Variants in BBS1 observed in about 807,000 individuals in gnomAD.
The protein encoded by BBS1 is BBSome complex member BBS1.
In BBS1, 60 loss-of-function variants were observed where a neutral mutation model predicts 73.9. The ratio of observed to expected loss-of-function variants is 0.81; its 90% CI spans 0.66 to 1.01. The LOEUF (loss-of-function observed/expected upper bound fraction) is 1.01, where lower values mean the gene tolerates loss of function less well. Among genes scored for constraint, BBS1 ranks in the 50% least tolerant of loss-of-function variants. The probability of loss-of-function intolerance (pLI) is 0.00; values close to 1 mark genes in which losing one functional copy is unlikely to be tolerated. For missense variants in BBS1, 718 were observed against 770.3 expected, an observed-to-expected ratio of 0.93 and a Z score of 0.80; for synonymous variants, 283 against 317.4, an observed-to-expected ratio of 0.89 and a Z score of 1.15.
At chr11:66,516,513 T>G (rs1013305546) in intron 7 of BBS1, among the ~76,000 whole-genome samples, 5 of 152,122 alleles carry the variant, frequency 3.3e-5, no homozygotes, top group African/African-American at 1.2e-4. Context: ...AGCTTTCGCC[T>G]TCCATTAGGC....
At chr11:66,511,990 A>G (rs1329863973) in intron 3 of BBS1, among the ~76,000 whole-genome samples, 1 of 143,096 alleles carries the variant, frequency 7.0e-6, no homozygotes, top group African/African-American at 2.7e-5. Flanking sequence ...AGAGTGAGAC[A>G]GTTTCAAAAA....
At chr11:66,511,935 G>T (rs1165049520) in intron 3 of BBS1, among the ~76,000 whole-genome samples, 1 of 150,612 alleles carries the variant, frequency 6.6e-6, no homozygotes, top group Non-Finnish European at 1.5e-5. Flanking sequence ...GGAGGCGGAG[G>T]TTGAGTGAGC....
At chr11:66,514,334 A>G in intron 3 of BBS1, 72 bp from the exon 4 acceptor site, 2 of 1,580,654 alleles carry the variant, frequency 1.3e-6, no homozygotes, top group Admixed American at 3.3e-5. Context: ...TGCACCAGCA[A>G]TAAGGCAAGA....
rs370952709 is a variant in BBS1 at position 66,518,202 on chromosome 11, C to A, written c.592-1415C>A. 3.3e-5 allele frequency among the ~76,000 whole-genome samples: 5 copies of A among 152,016 alleles called. No homozygotes were observed. In the East Asian group the frequency reaches 5.8e-4, roughly 18 times the overall value. ...GAACTCCCAACCTCACGTGATCCACCCACCTCGGCCTCCCAAAGTGCTGGG... is the reference window on the plus strand; with the variant it reads ...GAACTCCCAACCTCACGTGATCCACACACCTCGGCCTCCCAAAGTGCTGGG... On this transcript the variant is annotated intron_variant, in intron 7 of 16. Coordinates refer to ENST00000318312, the MANE Select transcript of BBS1 (RefSeq NM_024649.5).
intron 4 of BBS1, among the ~76,000 whole-genome samples, chr11:66,515,298 G>A (rs1437434909): frequency 6.6e-6 from 1 of 152,138 alleles, no homozygotes; most frequent in African/African-American, 2.4e-5. Context: ...AGAAGAAGGA[G>A]GACTGGAAAC....
At chr11:66,512,003 A>AAAAT (rs1555046275) in intron 3 of BBS1, among the ~76,000 whole-genome samples, 6 of 140,296 alleles carry the variant, frequency 4.3e-5, no homozygotes, top group Non-Finnish European at 9.0e-5. Flanking sequence ...TTCAAAAAAA[A>AAAAT]ATATATATAT....
In BBS1 at chr11:66,529,966, T is replaced by TGAG. The variant is rs748694674; in HGVS notation, c.1473+16_1473+18dup. On this transcript the variant is annotated intron_variant, in intron 14 of 16. Coordinates refer to ENST00000318312, the MANE Select transcript of BBS1 (RefSeq NM_024649.5). The stretch of plus-strand genomic sequence containing the variant: ...CTGCACGCCGTGGTGAGCATCTGGG[T>TGAG]GAGGGCAGAGTCAGGGCCAGAGGGG... 1.9e-4 allele frequency: 297 copies of TGAG among 1,595,986 alleles called. No individual in the cohort carries two copies. The highest frequency in any genetic ancestry group is 2.3e-4 in the Non-Finnish European group (267 of 1,177,102).
intron 3 of BBS1, 137 bp from the exon 4 acceptor site, chr11:66,514,269 A>G (rs1175180659): frequency 6.0e-6 from 7 of 1,168,152 alleles, no homozygotes; most frequent in African/African-American, 1.5e-5. Flanking sequence ...TCCCAAGGTC[A>G]GGCAGCTTGA....
rs1194392195 is a variant in BBS1 at position 66,530,909 on chromosome 11, C to A, written c.1489C>A (p.Pro497Thr). 1.2e-6 allele frequency: 2 copies of A among 1,614,038 alleles called. No individual in the cohort carries two copies. The highest frequency in any genetic ancestry group is 3.3e-5 in the Admixed American group (2 of 60,004). The change falls in exon 15 of 17, where the codon CCC (proline) becomes ACC (threonine). Residue 497 changes from proline to threonine, a missense_variant. Transcript: ENST00000318312. ...KLHAVVQGLGPTFKLTLHLQN... is the reference protein window; with the variant it reads ...KLHAVVQGLGTTFKLTLHLQN... ...CTCTCCATAGGTTCAGGGCCTTGGC[C>A]CCACCTTTAAGCTCACACTTCACCT...
chr11:66,511,369 G>A (rs1855943529), intron 3 of BBS1, 130 bp downstream of exon 3: 1 of 1,137,956 alleles, frequency 8.8e-7, no homozygotes, highest in Non-Finnish European at 1.2e-6. Context: ...CACATTTAGC[G>A]TTAAATTTTG....
chr11:66,529,359 T>C (rs1474133343), intron 13 of BBS1: 1 of 1,506,208 alleles, frequency 6.6e-7, no homozygotes, highest in Non-Finnish European at 8.9e-7. Flanking sequence ...TGATGGGACC[T>C]CCCTGTGGAG....
intron 9 of BBS1, among the ~76,000 whole-genome samples, chr11:66,522,237 G>A (rs1856270989): frequency 6.6e-6 from 1 of 151,174 alleles, no homozygotes; most frequent in African/African-American, 2.4e-5. Context: ...AAAGGAAACA[G>A]ATGGGAAGAA....
At chr11:66,526,910 C>T (rs758812931) in intron 13 of BBS1, 103 bp downstream of exon 13, 8 of 1,608,736 alleles carry the variant, frequency 5.0e-6, no homozygotes, top group Non-Finnish European at 5.9e-6. Context: ...GGGAGGAGAT[C>T]TCGGCCAACT....
intron 7 of BBS1, 97 bp from the exon 8 acceptor site, chr11:66,519,520 C>T: frequency 1.9e-6 from 3 of 1,540,724 alleles, no homozygotes; most frequent in South Asian, 1.1e-5. Context: ...CCTCTTCATC[C>T]TCCTTTGCCC....
chr11:66,521,929 C>T (rs1237944342), intron 9 of BBS1, among the ~76,000 whole-genome samples: 1 of 107,020 alleles, frequency 9.3e-6, no homozygotes, highest in Non-Finnish European at 1.9e-5. Flanking sequence ...AAAAAAAAAG[C>T]AGGGGGGTGC....
At chr11:66,524,272 T>C in intron 11 of BBS1, 1 of 310,204 alleles carries the variant, frequency 3.2e-6, no homozygotes. Flanking sequence ...AGAGCGAGAC[T>C]CCATCTTAAA....
chr11:66,527,141 G>A (rs534585584), intron 13 of BBS1: 2 of 865,362 alleles, frequency 2.3e-6, no homozygotes, highest in Admixed American at 2.1e-5. Flanking sequence ...CTTTGGCAGA[G>A]GTGGGAGGAC....
rs895146626 is a variant in BBS1 at position 66,533,204 on chromosome 11, G to T, written c.*1167G>T. ...GGGTGCCCAGTGCACACACTAGAGA[G>T]AAATTGTGAACATTAAGGACAAGGA... is the stretch of plus-strand genomic sequence containing the variant. On this transcript the variant is annotated 3_prime_UTR_variant, in exon 17 of 17. Transcript: ENST00000318312. The T allele has an allele frequency of 6.6e-6, 1 of 152,188 alleles. No individual in the cohort carries two copies. The highest frequency in any genetic ancestry group is 2.4e-5 in the African/African-American group (1 of 41,438). The allele number at this position is 152,188 out of a possible 1,614,324, so 9.4% of individuals were successfully genotyped here.
intron 7 of BBS1, among the ~76,000 whole-genome samples, chr11:66,517,689 A>C (rs188117165): frequency 6.6e-4 from 100 of 151,476 alleles, no homozygotes; most frequent in African/African-American, 2.2e-3. Flanking sequence ...GATGGTCTCG[A>C]TCTCTTGACC....
Sources: gnomAD v4.1 joint callset for allele counts (sites outside exome capture counted in the v4.1 genomes callset) on GRCh38, gnomAD v4.1.1 for gene constraint, MANE v1.5 for transcripts, NCBI Gene and HGNC (gene_info 2026-07-23, HGNC 2026-07-21) for gene names.